Variants in MTF1 observed in about 807,000 individuals in gnomAD.
The protein encoded by MTF1 is MRE-binding transcription factor.
MTF1 carries 22 observed loss-of-function variants against 70.4 expected under a neutral mutation model. That is an observed-to-expected ratio of 0.31 (90% CI 0.22 to 0.45). The LOEUF is 0.45. Ranked by LOEUF, MTF1 falls within the 20% of genes least tolerant of loss-of-function variation. The probability of loss-of-function intolerance (pLI) is 1.00; values close to 1 mark genes in which losing one functional copy is unlikely to be tolerated. For missense variants in MTF1, 649 were observed against 922.0 expected, an observed-to-expected ratio of 0.70 and a Z score of 3.83; for synonymous variants, 333 against 352.8, an observed-to-expected ratio of 0.94 and a Z score of 0.63.
intron 2 of MTF1, among the ~76,000 whole-genome samples, chr1:37,854,636 A>G (rs1415965274): frequency 1.3e-5 from 2 of 152,242 alleles, no homozygotes; most frequent in African/African-American, 4.8e-5. Context: ...AGCTAACAGT[A>G]AGATGTTGCT....
intron 3 of MTF1, among the ~76,000 whole-genome samples, chr1:37,839,610 C>T (rs1323640159): frequency 6.6e-6 from 1 of 152,196 alleles, no homozygotes; most frequent in African/African-American, 2.4e-5. Context: ...AGATAGTACT[C>T]TATGCCAAGC....
At chr1:37,829,925 A>T (rs1037180458) in intron 7 of MTF1, among the ~76,000 whole-genome samples, 5 of 152,194 alleles carry the variant, frequency 3.3e-5, no homozygotes, top group African/African-American at 7.2e-5. Flanking sequence ...ACCCCAAGGG[A>T]TAGTGCTTCT....
intron 7 of MTF1, among the ~76,000 whole-genome samples, chr1:37,827,069 C>A (rs1641013094): frequency 6.6e-6 from 1 of 152,086 alleles, no homozygotes. Flanking sequence ...CATTGTGACA[C>A]AAAGTAAGAA....
chr1:37,841,246 C>A, intron 2 of MTF1: 2 of 155,068 alleles, frequency 1.3e-5, no homozygotes, highest in South Asian at 3.5e-4. Context: ...TTGCCAATGT[C>A]ATCCAAGGGG....
At chr1:37,819,824 T>C (rs1342634737) in intron 9 of MTF1, among the ~76,000 whole-genome samples, 2 of 151,898 alleles carry the variant, frequency 1.3e-5, no homozygotes, top group Admixed American at 1.3e-4. Context: ...TGCTGGTGCA[T>C]GCCTGTAGTC....
At chr1:37,839,892 C>G in intron 3 of MTF1, 28 bp downstream of exon 3, 1 of 1,567,078 alleles carries the variant, frequency 6.4e-7, no homozygotes, top group Non-Finnish European at 8.8e-7. Flanking sequence ...AGGTCAGAGG[C>G]TGGCAGAGCA....
rs781170778 is a variant in MTF1, at chr1:37,815,379, G to A, written c.2019C>T (p.Leu673=). The A allele has an allele frequency of 1.2e-6, 2 of 1,614,124 alleles. No homozygotes were observed. The highest frequency in any genetic ancestry group is 1.1e-5 in the South Asian group (1 of 91,082). Residue 673 remains leucine (L), a synonymous_variant, in exon 11 of 11, where the codon CTC becomes CTT. Coordinates refer to ENST00000373036, the MANE Select transcript of MTF1 (RefSeq NM_005955.3). The surrounding 1 kb of genome is among the most constrained non-coding windows in gnomAD (Gnocchi z 4.5). Reference sequence around the variant, plus strand: ...GGGCTGAAGAGAAAGTCTGCGCTGGGAGCTGCAGGCTGGGCCCATCAGGAG... The same window carrying A: ...GGGCTGAAGAGAAAGTCTGCGCTGGAAGCTGCAGGCTGGGCCCATCAGGAG... The part of the protein sequence containing the change: ...PQAPDGPSLQ[L]PAQTFSSAPV...
At chr1:37,858,299 A>G (rs1641533178) in intron 1 of MTF1, among the ~76,000 whole-genome samples, 1 of 152,200 alleles carries the variant, frequency 6.6e-6, no homozygotes, top group Admixed American at 6.5e-5. Context: ...AGAGTCATCT[A>G]CCTACAAATC....
At chr1:37,852,883 T>C (rs938214201) in intron 2 of MTF1, among the ~76,000 whole-genome samples, 1 of 152,108 alleles carries the variant, frequency 6.6e-6, no homozygotes, top group Non-Finnish European at 1.5e-5. Context: ...CACCTGCCTC[T>C]GCCTCCGAAA....
chr1:37,835,233 T>C lies in MTF1; in HGVS notation c.854-18A>G. 3.1e-6 allele frequency: 5 copies of C among 1,608,486 alleles called. No homozygotes were observed. The highest frequency in any genetic ancestry group is 4.3e-6 in the Non-Finnish European group (5 of 1,175,070). ...TCTTTCACCTGCAAGAATAACAAAG[T>C]AGTGTTAATTTACCATAAAGTCATT... On this transcript the variant is annotated intron_variant, in intron 5 of 10. Coordinates refer to ENST00000373036, the MANE Select transcript of MTF1 (RefSeq NM_005955.3).
chr1:37,822,658 G>A lies in MTF1; in HGVS notation c.1230C>T (p.Ser410=), dbSNP rs755576910. The A allele has an allele frequency of 5.6e-6, 9 of 1,613,804 alleles. No individual in the cohort carries two copies. In the Admixed American group the frequency reaches 6.7e-5, roughly 12 times the overall value. ...GAGATAAAGATGCTGAATTTCCTGT[G>A]GATGGCGGAACATCACTGACTGACT... ...DAESVSDVPP[S]TGNSASLSLP... is the part of the protein sequence containing the mutation. The change falls in exon 9 of 11, where the codon TCC becomes TCT. Residue 410 remains serine (S), a synonymous_variant. Transcript: ENST00000373036.
At chr1:37,844,168 G>A (rs1641298110) in intron 2 of MTF1, among the ~76,000 whole-genome samples, 1 of 152,008 alleles carries the variant, frequency 6.6e-6, no homozygotes, top group South Asian at 2.1e-4. Flanking sequence ...TCTTTCCAGG[G>A]CTGCTTCTGT....
intron 7 of MTF1, chr1:37,826,634 T>C (rs984972531): frequency 3.2e-5 from 14 of 434,846 alleles, no homozygotes; most frequent in Admixed American, 1.9e-4. Context: ...CTTTTTTTTT[T>C]TTTCTTCATT....
rs1444371186 is a variant in MTF1 at position 37,815,359 on chromosome 1, G to A, written c.2039C>T (p.Ser680Leu). 6.2e-7 allele frequency: 1 copy of A among 1,614,022 alleles called. No individual in the cohort carries two copies. The highest frequency in any genetic ancestry group is 8.5e-7 in the Non-Finnish European group (1 of 1,180,050). ...SLQLPAQTFSSAPVPGSSSST... is the reference protein window; with the variant it reads ...SLQLPAQTFSLAPVPGSSSST... ...GGATGATGACCCGGGAACAGGGGCT[G>A]AAGAGAAAGTCTGCGCTGGGAGCTG... is the stretch of plus-strand genomic sequence containing the variant. Residue 680 changes from serine to leucine, a missense_variant, in exon 11 of 11, where the codon TCA becomes TTA. Ser to Leu is a moderately radical substitution (Grantham distance 145). Around this residue, in one of 7 missense-constraint regions of MTF1, gnomAD observed 138 missense variants for 134.4 expected, o/e 1.03. Coordinates refer to ENST00000373036, the MANE Select transcript of MTF1 (RefSeq NM_005955.3). This position sits in a 1 kb window ranked among gnomAD's most constrained non-coding sequence, Gnocchi z 4.5.
rs1355127372 is a variant in MTF1, at chr1:37,817,016, A to G, written c.1831+403T>C. Among the ~76,000 whole-genome samples, 3 of 152,188 alleles carry G rather than the reference A, an allele frequency of 2.0e-5. No homozygotes were observed. In the East Asian group the frequency reaches 5.8e-4, roughly 29 times the overall value. ...CAGTGTCTTAATCTATAAAATAAAG[A>G]ATTTGAATAAAAGGAACTTTCAGCT... On this transcript the variant is annotated intron_variant, in intron 10 of 10. Transcript: ENST00000373036.
At chr1:37,850,135 G>A (rs1051047600) in intron 2 of MTF1, among the ~76,000 whole-genome samples, 2 of 151,442 alleles carry the variant, frequency 1.3e-5, no homozygotes, top group African/African-American at 4.9e-5. Flanking sequence ...CTACTGTGGA[G>A]GCTGAGGTGG....
chr1:37,844,387 T>G (rs1641303253), intron 2 of MTF1, among the ~76,000 whole-genome samples: 1 of 152,210 alleles, frequency 6.6e-6, no homozygotes, highest in South Asian at 2.1e-4. Flanking sequence ...AACTACACGC[T>G]CCTTCACCAT....
At chr1:37,849,450 G>C (rs912033580) in intron 2 of MTF1, among the ~76,000 whole-genome samples, 3 of 151,802 alleles carry the variant, frequency 2.0e-5, no homozygotes, top group African/African-American at 4.8e-5. Context: ...AAAAATTGCT[G>C]TAACTGTGCT....
chr1:37,839,488 G>A (rs746093591), intron 3 of MTF1, among the ~76,000 whole-genome samples: 126 of 152,094 alleles, frequency 8.3e-4, no homozygotes, highest in Non-Finnish European at 1.1e-3. Flanking sequence ...TGATACAAAC[G>A]TGAAAAAGAG....
Sources: gnomAD v4.1 joint callset for allele counts (sites outside exome capture counted in the v4.1 genomes callset) on GRCh38, gnomAD v4.1.1 for gene constraint, gnomAD v4.1.1 regional missense constraint, Gnocchi (gnomAD v3.1) non-coding constraint, MANE v1.5 for transcripts, NCBI Gene and HGNC (gene_info 2026-07-23, HGNC 2026-07-21) for gene names.